PRUNE2: variants seen among roughly 807,000 people sequenced by gnomAD.
The protein encoded by PRUNE2 is prune homolog 2 with BCH domain.
PRUNE2 carries 164 observed loss-of-function variants against 252.0 expected under a neutral mutation model. The ratio of observed to expected loss-of-function variants is 0.65; its 90% CI spans 0.57 to 0.74. PRUNE2 has a LOEUF of 0.74. Among genes scored for constraint, PRUNE2 ranks in the 30% least tolerant of loss-of-function variants. PRUNE2 has a pLI of 0.00. For synonymous variants in PRUNE2, 1,292 were observed against 1,350.2 expected (o/e 0.96, Z 0.94); for missense variants, 3,495 against 3,711.0 (o/e 0.94, Z 1.51).
At chr9:76,697,570 T>C (rs142145269) in intron 9 of PRUNE2, among the ~76,000 whole-genome samples, 15 of 152,326 alleles carry the variant, frequency 9.8e-5, no homozygotes, top group African/African-American at 3.4e-4. Context: ...GCATGGGTTC[T>C]GGCTCAGTCT....
intron 6 of PRUNE2, among the ~76,000 whole-genome samples, chr9:76,810,928 A>C (rs1367388077): frequency 1.3e-5 from 2 of 152,208 alleles, no homozygotes; most frequent in Non-Finnish European, 2.9e-5. Context: ...AGGTTGATAC[A>C]ATGTAGTAAT....
intron 6 of PRUNE2, among the ~76,000 whole-genome samples, chr9:76,780,523 TA>T (rs201425099): frequency 3.8e-4 from 57 of 150,632 alleles, no homozygotes; most frequent in African/African-American, 1.1e-3. Flanking sequence ...CTGTTTCTAA[TA>T]AAAAAAAATA....
In PRUNE2 at chr9:76,709,445, A is replaced by G. The variant is rs1229941876; in HGVS notation, c.2829T>C (p.Ser943=). 6 of 1,613,958 alleles carry G rather than the reference A, an allele frequency of 3.7e-6. No homozygotes were observed. Among genetic ancestry groups the G allele is most frequent in the Non-Finnish European group, 4.2e-6 (5 of 1,179,876 alleles). The change falls in exon 8 of 19, where the codon TCT becomes TCC. Residue 943 remains serine, a synonymous_variant. Transcript: ENST00000376718. ...VLVPWEDSFL[S]YKCSDYSASN... is the part of the protein sequence containing the mutation. Reference sequence around the variant, plus strand: ...ATGCACTGTAATCAGAACATTTGTAAGATAAGAAGGAATCTTCCCAAGGAA... The same window carrying G: ...ATGCACTGTAATCAGAACATTTGTAGGATAAGAAGGAATCTTCCCAAGGAA...
intron 6 of PRUNE2, among the ~76,000 whole-genome samples, chr9:76,752,582 A>C (rs2050734930): frequency 6.6e-6 from 1 of 152,130 alleles, no homozygotes; most frequent in Non-Finnish European, 1.5e-5. Flanking sequence ...TTTTTCTATA[A>C]GCTTTCAGTC....
At chr9:76,852,593 G>A (rs1383834390) in intron 2 of PRUNE2, among the ~76,000 whole-genome samples, 1 of 152,228 alleles carries the variant, frequency 6.6e-6, no homozygotes, top group African/African-American at 2.4e-5. Flanking sequence ...TTCATACTCT[G>A]AGAGGGAGTA....
intron 6 of PRUNE2, among the ~76,000 whole-genome samples, chr9:76,790,607 CAGGAAAAGCAA>C (rs906112410): frequency 1.3e-5 from 2 of 152,050 alleles, no homozygotes; most frequent in Non-Finnish European, 2.9e-5. Context: ...AGGATCGGTG[CAGGAAAAGCAA>C]AGGAAAAAAG....
At chr9:76,625,165 C>G (rs1834140007) in intron 16 of PRUNE2, 19 of 661,464 alleles carry the variant, frequency 2.9e-5, no homozygotes, top group South Asian at 2.9e-4. Flanking sequence ...AAATGCCTAT[C>G]CAGATACAGT....
chr9:76,710,611 A>G lies in PRUNE2; in HGVS notation c.1663T>C (p.Leu555=), dbSNP rs747767368. 4 of 1,613,532 alleles carry G rather than the reference A, an allele frequency of 2.5e-6. No homozygotes were observed. The South Asian group carries it at 3.3e-5, about 13-fold the overall frequency. ...NMSNYSSSSL[L]SGAGKDSLVE... ...AGGCTATCTTTGCCAGCCCCTGACAAAAGTGAACTGGATGAATAATTAGAC... is the reference window on the plus strand; with the variant it reads ...AGGCTATCTTTGCCAGCCCCTGACAGAAGTGAACTGGATGAATAATTAGAC... The change falls in exon 8 of 19, where the codon TTG becomes CTG. Residue 555 remains leucine (L), a synonymous_variant. Transcript: ENST00000376718.
At chr9:76,649,170 A>G (rs1361468670) in intron 11 of PRUNE2, among the ~76,000 whole-genome samples, 2 of 152,226 alleles carry the variant, frequency 1.3e-5, no homozygotes, top group Non-Finnish European at 2.9e-5. Context: ...AAAAAGCATT[A>G]ATGAAAGTAC....
rs199767340 is a variant in PRUNE2, at chr9:76,709,937, G to C, written c.2337C>G (p.Pro779=). 2 of 1,613,736 alleles carry C rather than the reference G, an allele frequency of 1.2e-6. No individual in the cohort carries two copies. Among genetic ancestry groups the C allele is most frequent in the Non-Finnish European group, 1.7e-6 (2 of 1,179,808 alleles). ...WHSGRSPTAM[P]EPWGNPTDDG... ...CATCTGTAGGATTTCCCCAGGGCTC[G>C]GGCATGGCTGTGGGAGAGCGACCAG... The change falls in exon 8 of 19, where the codon CCC becomes CCG. Residue 779 remains proline, a synonymous_variant. Transcript: ENST00000376718.
At position 76,612,896 on chromosome 9, in the gene PRUNE2, G is replaced by A. The variant is rs1158086304; in HGVS notation, c.*1674C>T. 1 of 152,124 alleles carries A rather than the reference G, an allele frequency of 6.6e-6. No homozygotes were observed. The highest frequency in any genetic ancestry group is 1.9e-4 in the East Asian group (1 of 5,188). 9.4% of individuals were successfully genotyped at this position (152,124 alleles called of 1,614,324 possible). A position where few individuals can be genotyped will look rare whatever the true frequency, so the allele number is the denominator to read the frequency against. ...AATATCCTGGACAGCTCTCCCCAAT[G>A]AATTTTCCACCATGAGACTAGGGTG... On this transcript the variant is annotated 3_prime_UTR_variant, in exon 19 of 19. Transcript: ENST00000376718.
At chr9:76,881,456 C>A (rs1474815349) in intron 1 of PRUNE2, among the ~76,000 whole-genome samples, 1 of 152,088 alleles carries the variant, frequency 6.6e-6, no homozygotes, top group Non-Finnish European at 1.5e-5. Context: ...TTAAAGTGAA[C>A]AATTCAATGG....
intron 6 of PRUNE2, among the ~76,000 whole-genome samples, chr9:76,741,019 G>A (rs1224776923): frequency 1.3e-5 from 2 of 152,068 alleles, no homozygotes; most frequent in Non-Finnish European, 2.9e-5. Context: ...CTGATTTCTT[G>A]TCAAGATTTA....
Position 76,765,291 on chromosome 9 carries a change from T to C in PRUNE2, c.757-51570A>G, listed in dbSNP as rs117799675. On this transcript the variant is annotated intron_variant, in intron 6 of 18. Transcript: ENST00000376718. ...GGGCATTTGGAAGAAAACGATGCCATAGAAGCCAAGATGAAATAGACATCA... is the reference window on the plus strand; with the variant it reads ...GGGCATTTGGAAGAAAACGATGCCACAGAAGCCAAGATGAAATAGACATCA... 3.4e-3 allele frequency among the ~76,000 whole-genome samples: 519 copies of C among 152,216 alleles called. 4 individuals carry two copies. Among genetic ancestry groups the C allele is most frequent in the Non-Finnish European group, 5.7e-3 (391 of 68,004 alleles).
At chr9:76,736,135 AGT>A (rs10536918) in intron 6 of PRUNE2, among the ~76,000 whole-genome samples, 65,759 of 149,160 alleles carry the variant, frequency 0.44, 14,318 homozygotes, top group Admixed American at 0.55. Flanking sequence ...GGTTTGTGTG[AGT>A]GTGTGTGTGT....
At chr9:76,859,545 C>T (rs1366128567) in intron 1 of PRUNE2, among the ~76,000 whole-genome samples, 1 of 152,094 alleles carries the variant, frequency 6.6e-6, no homozygotes, top group African/African-American at 2.4e-5. Context: ...ATTCTTCTTG[C>T]CCACTGCCCA....
intron 9 of PRUNE2, among the ~76,000 whole-genome samples, chr9:76,657,885 T>C (rs1401495548): frequency 2.0e-5 from 3 of 152,214 alleles, no homozygotes; most frequent in Non-Finnish European, 4.4e-5. Context: ...CCTCAACTCA[T>C]TGATGTTAGA....
At chr9:76,851,497 A>G (rs1034849259) in intron 2 of PRUNE2, among the ~76,000 whole-genome samples, 7 of 151,992 alleles carry the variant, frequency 4.6e-5, no homozygotes, top group African/African-American at 1.2e-4. Context: ...GCAGTGAGCC[A>G]AGATCGTGCC....
intron 4 of PRUNE2, among the ~76,000 whole-genome samples, chr9:76,828,633 A>T (rs2058482245): frequency 6.6e-6 from 1 of 152,236 alleles, no homozygotes; most frequent in South Asian, 2.1e-4. Context: ...ATTCCATTTC[A>T]ACAGTCATTT....
Sources: allele counts gnomAD v4.1 joint callset (sites outside exome capture counted in the v4.1 genomes callset), GRCh38; gene constraint gnomAD v4.1.1; transcripts MANE v1.5; gene names NCBI Gene and HGNC (gene_info 2026-07-23, HGNC 2026-07-21).